The following METTL24 variants were observed in gnomAD, a reference collection of about 807,000 sequenced individuals.
METTL24 encodes methyltransferase like 24.
A neutral mutation model predicts 32.7 loss-of-function variants in METTL24; 29 were observed. The ratio of observed to expected loss-of-function variants is 0.89; its 90% CI spans 0.66 to 1.21. METTL24 has a LOEUF of 1.21. METTL24 is among the 50% of genes most tolerant of loss of function. The pLI, the probability that METTL24 is intolerant of heterozygous loss-of-function variation, is 0.00. For missense variants in METTL24, 439 were observed against 468.1 expected, an observed-to-expected ratio of 0.94 and a Z score of 0.57; for synonymous variants, 163 against 179.5, an observed-to-expected ratio of 0.91 and a Z score of 0.73.
chr6:110,295,792 A>AG lies in METTL24; in HGVS notation c.786+3129dup, dbSNP rs1488969655. On this transcript the variant is annotated intron_variant, in intron 4 of 4. Coordinates refer to ENST00000338882, the MANE Select transcript of METTL24 (RefSeq NM_001123364.3). ...TTTCCCCGGGAAAGAAAAGAAAGAA[A>AG]GAAAGGAAGGAAGGAAGGAAGGAAG... Among the ~76,000 whole-genome samples, 997 of 145,176 alleles carry AG rather than the reference A, an allele frequency of 6.9e-3. 9 individuals carry two copies. The highest frequency in any genetic ancestry group is 0.023 in the African/African-American group (849 of 37,496).
chr6:110,315,119 C>A (rs1484096237), intron 3 of METTL24, among the ~76,000 whole-genome samples: 6 of 151,984 alleles, frequency 3.9e-5, no homozygotes, highest in Non-Finnish European at 7.4e-5. Flanking sequence ...TTCCAACTTG[C>A]TATCAGCAGA....
chr6:110,288,994 ACT>A (rs1771273082), intron 4 of METTL24, among the ~76,000 whole-genome samples: 2 of 152,114 alleles, frequency 1.3e-5, no homozygotes, highest in South Asian at 4.1e-4. Context: ...AGAGTGACAC[ACT>A]CTAGCAAATA....
chr6:110,298,555 T>C (rs1771462330), intron 4 of METTL24, among the ~76,000 whole-genome samples: 1 of 152,192 alleles, frequency 6.6e-6, no homozygotes, highest in Non-Finnish European at 1.5e-5. Flanking sequence ...ACCCCGATTT[T>C]TTTTTTTGTA....
chr6:110,336,243 G>C (rs75256899), intron 1 of METTL24, among the ~76,000 whole-genome samples: 1 of 152,126 alleles, frequency 6.6e-6, no homozygotes, highest in Admixed American at 6.5e-5. Context: ...GGGCCAGCCC[G>C]AGTCCCTGAA....
In METTL24 at chr6:110,272,364, TA is replaced by T. The variant is rs376066308; in HGVS notation, c.787-26105del. 4.2e-4 allele frequency among the ~76,000 whole-genome samples: 64 copies of T among 152,346 alleles called. 1 individual carries two copies. The South Asian group carries it at 0.012, about 29-fold the overall frequency. ...TACATACCACCTTTTCTTTATCCAC[TA>T]GTTGGTCGATGGGCATTTAGGATGG... On this transcript the variant is annotated intron_variant, in intron 4 of 4. Transcript: ENST00000338882.
intron 4 of METTL24, among the ~76,000 whole-genome samples, chr6:110,276,148 A>G (rs1771043302): frequency 1.3e-5 from 2 of 152,160 alleles, no homozygotes; most frequent in Admixed American, 6.5e-5. Context: ...AGATTACATG[A>G]TTTCCTAGGT....
chr6:110,289,118 C>T (rs1429809893), intron 4 of METTL24, among the ~76,000 whole-genome samples: 1 of 152,046 alleles, frequency 6.6e-6, no homozygotes, highest in Non-Finnish European at 1.5e-5. Flanking sequence ...ACTGCAAAGT[C>T]ACTAGGCAGA....
At chr6:110,294,092 T>C (rs1316423797) in intron 4 of METTL24, among the ~76,000 whole-genome samples, 3 of 152,122 alleles carry the variant, frequency 2.0e-5, no homozygotes, top group African/African-American at 7.2e-5. Context: ...AGATTTATTA[T>C]GGAAGTACTC....
intron 4 of METTL24, among the ~76,000 whole-genome samples, chr6:110,274,832 A>T (rs531941132): frequency 3.5e-5 from 4 of 115,712 alleles, no homozygotes; most frequent in Non-Finnish European, 6.5e-5. Context: ...AGACAGCCTC[A>T]CTGTCATCCA....
chr6:110,279,948 C>G (rs1771109368), intron 4 of METTL24, among the ~76,000 whole-genome samples: 1 of 152,190 alleles, frequency 6.6e-6, no homozygotes, highest in African/African-American at 2.4e-5. Context: ...CCTCAGGAAA[C>G]TTACAATCGT....
intron 4 of METTL24, among the ~76,000 whole-genome samples, chr6:110,276,378 G>A (rs1771047718): frequency 6.6e-6 from 1 of 152,188 alleles, no homozygotes; most frequent in African/African-American, 2.4e-5. Context: ...TTGAGCCTAG[G>A]AGTTTGAGGT....
chr6:110,283,975 G>A (rs1771179026), intron 4 of METTL24, among the ~76,000 whole-genome samples: 1 of 152,114 alleles, frequency 6.6e-6, no homozygotes, highest in Admixed American at 6.6e-5. Flanking sequence ...TATACATATG[G>A]CAAAAAGCAC....
intron 4 of METTL24, among the ~76,000 whole-genome samples, chr6:110,295,005 C>CTTTTTTTTT (rs1562228256): frequency 3.1e-5 from 3 of 96,828 alleles, no homozygotes; most frequent in African/African-American, 1.2e-4. Flanking sequence ...TTCTTTTTTT[C>CTTTTTTTTT]TTTCTTTCTT....
At position 110,346,543 on chromosome 6, in the gene METTL24, C is replaced by A. The variant is rs149166225; in HGVS notation, c.318+11412G>T. Among the ~76,000 whole-genome samples the A allele has an allele frequency of 5.0e-3, 742 of 146,996 alleles. 2 individuals carry two copies. The highest frequency in any genetic ancestry group is 0.043 in the Middle Eastern group (12 of 278). ...TTGAGATGGAGTCTCACTCTGTCAC[C>A]CAGCAGGCTGGAGTGCAATGGCATG... On this transcript the variant is annotated intron_variant, in intron 1 of 4. Coordinates refer to ENST00000338882, the MANE Select transcript of METTL24 (RefSeq NM_001123364.3).
Position 110,245,858 on chromosome 6 carries a change from G to C in METTL24, c.*88C>G. On this transcript the variant is annotated 3_prime_UTR_variant, in exon 5 of 5. Transcript: ENST00000338882. Reference sequence around the variant, plus strand: ...CCTCAAGCAGGGCACAGGCTAGCAGGAGACTGGATGAGTAAACTCATGATT... The same window carrying C: ...CCTCAAGCAGGGCACAGGCTAGCAGCAGACTGGATGAGTAAACTCATGATT... 1 of 1,323,744 alleles carries C rather than the reference G, an allele frequency of 7.6e-7. No individual in the cohort carries two copies. Among genetic ancestry groups the C allele is most frequent in the Non-Finnish European group, 1.0e-6 (1 of 956,962 alleles). The allele number at this position is 1,323,744 out of a possible 1,614,324, so 82.0% of individuals were successfully genotyped here.
intron 4 of METTL24, among the ~76,000 whole-genome samples, chr6:110,287,309 T>C (rs1771240751): frequency 6.6e-6 from 1 of 152,232 alleles, no homozygotes; most frequent in Non-Finnish European, 1.5e-5. Context: ...TAGGGTCCAC[T>C]GCAGATTGAC....
At chr6:110,277,824 A>G (rs1285361020) in intron 4 of METTL24, among the ~76,000 whole-genome samples, 1 of 152,154 alleles carries the variant, frequency 6.6e-6, no homozygotes. Context: ...GTCAAAAACT[A>G]TAAATAGGAA....
chr6:110,266,417 A>C (rs1770858908), intron 4 of METTL24, among the ~76,000 whole-genome samples: 1 of 152,176 alleles, frequency 6.6e-6, no homozygotes, highest in Admixed American at 6.6e-5. Context: ...TGAAGGTTAA[A>C]GTTCCCACCT....
At chr6:110,342,255 A>G (rs1181092525) in intron 1 of METTL24, among the ~76,000 whole-genome samples, 1 of 152,180 alleles carries the variant, frequency 6.6e-6, no homozygotes, top group African/African-American at 2.4e-5. Flanking sequence ...GGCTGTGTGT[A>G]TCTGATTCTG....
Sources: allele counts gnomAD v4.1 joint callset (sites outside exome capture counted in the v4.1 genomes callset), GRCh38; gene constraint gnomAD v4.1.1; transcripts MANE v1.5; gene names NCBI Gene and HGNC (gene_info 2026-07-23, HGNC 2026-07-21).